The following KCNT2 variants were observed in gnomAD, a reference collection of about 807,000 sequenced individuals.
The protein encoded by KCNT2 is potassium sodium-activated channel subfamily T member 2, also known as potassium channel subfamily T member 2.
Under a neutral mutation model 153.8 loss-of-function variants are expected in KCNT2, and 67 were observed. The observed-to-expected ratio is 0.44, with a 90% CI of 0.36 to 0.53. The LOEUF (loss-of-function observed/expected upper bound fraction) is 0.53. Ranked by LOEUF, KCNT2 falls within the 20% of genes least tolerant of loss-of-function variation. KCNT2 has a pLI of 0.00. For synonymous variants in KCNT2, 500 were observed against 458.8 expected, an observed-to-expected ratio of 1.09 and a Z score of -1.15; for missense variants, 975 against 1,354.8, an observed-to-expected ratio of 0.72 and a Z score of 4.40.
intron 12 of KCNT2, among the ~76,000 whole-genome samples, chr1:196,422,271 G>A (rs757489196): frequency 4.6e-5 from 7 of 151,868 alleles, no homozygotes; most frequent in East Asian, 1.9e-4. Context: ...AGAATAAAAC[G>A]TATACCTGAA....
intron 8 of KCNT2, among the ~76,000 whole-genome samples, chr1:196,446,393 A>G (rs1430907477): frequency 6.6e-6 from 1 of 151,414 alleles, no homozygotes; most frequent in African/African-American, 2.4e-5. Flanking sequence ...CCATGATGAC[A>G]CTGATGAAAA....
chr1:196,587,087 T>A (rs1279089977), intron 1 of KCNT2, among the ~76,000 whole-genome samples: 1 of 152,024 alleles, frequency 6.6e-6, no homozygotes, highest in African/African-American at 2.4e-5. Flanking sequence ...ATGGAAAAAA[T>A]TTGAATAAAA....
At chr1:196,544,764 A>G (rs547830284) in intron 1 of KCNT2, among the ~76,000 whole-genome samples, 1 of 152,190 alleles carries the variant, frequency 6.6e-6, no homozygotes, top group East Asian at 1.9e-4. Context: ...AGTTCACTGG[A>G]AAAAGAATGC....
chr1:196,549,321 T>A (rs924487489), intron 1 of KCNT2, among the ~76,000 whole-genome samples: 1 of 151,900 alleles, frequency 6.6e-6, no homozygotes, highest in Admixed American at 6.6e-5. Context: ...AAACTTCATA[T>A]GGGAAAAGTA....
At chr1:196,268,431 T>C (rs1657748456) in intron 25 of KCNT2, among the ~76,000 whole-genome samples, 1 of 152,166 alleles carries the variant, frequency 6.6e-6, no homozygotes, top group Admixed American at 6.6e-5. Context: ...CACAATGCTG[T>C]GCTTTTGAAC....
At chr1:196,406,572 T>A (rs933509158) in intron 12 of KCNT2, among the ~76,000 whole-genome samples, 1 of 146,106 alleles carries the variant, frequency 6.8e-6, no homozygotes, top group Non-Finnish European at 1.5e-5. Context: ...CTAGTCTTCA[T>A]GAACAATCTA....
intron 1 of KCNT2, among the ~76,000 whole-genome samples, chr1:196,572,061 T>G (rs1660840377): frequency 1.3e-5 from 2 of 152,078 alleles, no homozygotes; most frequent in African/African-American, 4.8e-5. Flanking sequence ...AAGGCTCAGA[T>G]TCTACTGAGA....
chr1:196,305,443 A>G, intron 21 of KCNT2, 98 bp from the exon 22 acceptor site: 1 of 669,794 alleles, frequency 1.5e-6, no homozygotes. Flanking sequence ...CCTTGGGCAT[A>G]AAACTATATC....
At chr1:196,549,154 TA>T (rs562310181) in intron 1 of KCNT2, among the ~76,000 whole-genome samples, 61 of 151,900 alleles carry the variant, frequency 4.0e-4, no homozygotes, top group Non-Finnish European at 5.6e-4. Context: ...TAAAGTATGA[TA>T]AAAAAAAGAA....
intron 5 of KCNT2, among the ~76,000 whole-genome samples, chr1:196,472,811 C>G (rs550761708): frequency 6.6e-6 from 1 of 152,082 alleles, no homozygotes; most frequent in Non-Finnish European, 1.5e-5. Context: ...TATTTCAGCT[C>G]ATTTCTCACT....
At chr1:196,567,879 T>C (rs1372337102) in intron 1 of KCNT2, among the ~76,000 whole-genome samples, 4 of 152,226 alleles carry the variant, frequency 2.6e-5, no homozygotes, top group African/African-American at 9.6e-5. Context: ...TTGATTGCCT[T>C]CAGGATAACA....
intron 14 of KCNT2, among the ~76,000 whole-genome samples, chr1:196,358,433 T>C (rs2148257344): frequency 6.6e-6 from 1 of 151,878 alleles, no homozygotes; most frequent in Admixed American, 6.6e-5. Context: ...ACCTCCAGAA[T>C]CATGTTCAAC....
At chr1:196,407,786 A>G (rs1671951743) in intron 12 of KCNT2, among the ~76,000 whole-genome samples, 1 of 151,550 alleles carries the variant, frequency 6.6e-6, no homozygotes. Flanking sequence ...GTAATAATCA[A>G]GAATAAATAT....
intron 1 of KCNT2, among the ~76,000 whole-genome samples, chr1:196,593,538 A>G (rs1663674863): frequency 6.6e-6 from 1 of 151,780 alleles, no homozygotes; most frequent in South Asian, 2.1e-4. Context: ...GAAAATAACT[A>G]AAAGAGTATA....
intron 4 of KCNT2, among the ~76,000 whole-genome samples, chr1:196,480,581 C>A (rs1033848954): frequency 2.6e-5 from 4 of 151,962 alleles, no homozygotes; most frequent in African/African-American, 9.7e-5. Context: ...ATCGGCCAGG[C>A]GCAGTAGTTC....
intron 14 of KCNT2, among the ~76,000 whole-genome samples, chr1:196,371,215 C>A (rs1454863329): frequency 3.3e-5 from 2 of 59,756 alleles, no homozygotes; most frequent in Non-Finnish European, 5.6e-5. Flanking sequence ...AAAATCCCGT[C>A]ACTACAAAAA....
rs1387193149 is a variant in KCNT2, at chr1:196,493,736, G to A, written c.96-1395C>T. ...ATTGTGTGATGTTACCCTCAACAGG[G>A]CATTTTTAAAATTAATTACGAATCA... is the stretch of plus-strand genomic sequence containing the variant. On this transcript the variant is annotated intron_variant, in intron 1 of 27. Transcript: ENST00000294725. Among the ~76,000 whole-genome samples, 3 of 151,930 alleles carry A rather than the reference G, an allele frequency of 2.0e-5. No homozygotes were observed. In the East Asian group the frequency reaches 5.8e-4, roughly 29 times the overall value.
intron 22 of KCNT2, among the ~76,000 whole-genome samples, chr1:196,294,397 T>G (rs1023219881): frequency 6.6e-6 from 1 of 152,102 alleles, no homozygotes; most frequent in Non-Finnish European, 1.5e-5. Context: ...TGTCTCAGCC[T>G]CCCGAGTAGT....
At chr1:196,475,453 T>A (rs866820275) in intron 5 of KCNT2, among the ~76,000 whole-genome samples, 1 of 151,846 alleles carries the variant, frequency 6.6e-6, no homozygotes, top group African/African-American at 2.4e-5. Flanking sequence ...CCCCATCTCT[T>A]AAAAAAAGAT....
Sources: allele counts gnomAD v4.1 joint callset (sites outside exome capture counted in the v4.1 genomes callset), GRCh38; gene constraint gnomAD v4.1.1; transcripts MANE v1.5; gene names NCBI Gene and HGNC (gene_info 2026-07-23, HGNC 2026-07-21).